DDR2: variants seen among roughly 807,000 people sequenced by gnomAD.
DDR2 encodes the protein discoidin domain receptor tyrosine kinase 2, also known as discoidin domain-containing receptor 2.
DDR2 carries 27 observed loss-of-function variants against 94.9 expected under a neutral mutation model. That is an observed-to-expected ratio of 0.28 (90% CI 0.21 to 0.39). The LOEUF is 0.39. Among genes scored for constraint, DDR2 ranks in the 10% least tolerant of loss-of-function variants. DDR2 has a pLI of 1.00. For synonymous variants in DDR2, 382 were observed against 377.2 expected, an observed-to-expected ratio of 1.01 and a Z score of -0.15; for missense variants, 783 against 1,076.0, an observed-to-expected ratio of 0.73 and a Z score of 3.81.
chr1:162,703,045 T>C (rs1414038959), intron 2 of DDR2, among the ~76,000 whole-genome samples: 1 of 152,128 alleles, frequency 6.6e-6, no homozygotes, highest in Admixed American at 6.6e-5. Flanking sequence ...CTTTTGGAAG[T>C]TGGGAACATG....
chr1:162,780,593 A>G lies in DDR2; in HGVS notation c.*347A>G, dbSNP rs1647851748. 1 of 220,500 alleles carries G rather than the reference A, an allele frequency of 4.5e-6. No individual in the cohort carries two copies. The highest frequency in any genetic ancestry group is 9.1e-6 in the Non-Finnish European group (1 of 109,932). The allele number at this position is 220,500 out of a possible 1,614,324, so 13.7% of individuals were successfully genotyped here. A position where few individuals can be genotyped will look rare whatever the true frequency, so the allele number is the denominator to read the frequency against. On this transcript the variant is annotated 3_prime_UTR_variant, in exon 18 of 18. Transcript: ENST00000367921. The stretch of plus-strand genomic sequence containing the variant: ...TTGTGCTTATAAATGTGCAGATTCT[A>G]CAATATTTTTCCATGTCATTCTAAA...
intron 1 of DDR2, among the ~76,000 whole-genome samples, chr1:162,634,579 G>C (rs1656725207): frequency 6.6e-6 from 1 of 152,190 alleles, no homozygotes; most frequent in South Asian, 2.1e-4. Context: ...ACTCTGAAAT[G>C]GGTGGCCTCA....
At chr1:162,769,185 A>C (rs1664143192) in intron 11 of DDR2, among the ~76,000 whole-genome samples, 1 of 152,188 alleles carries the variant, frequency 6.6e-6, no homozygotes, top group Admixed American at 6.5e-5. Flanking sequence ...TCTCCAGGTA[A>C]AAGGTAGAGC....
Position 162,648,269 on chromosome 1 carries a change from A to G in DDR2, c.-191-6942A>G, listed in dbSNP as rs1480006399. On this transcript the variant is annotated intron_variant, in intron 1 of 17. Coordinates refer to ENST00000367921, the MANE Select transcript of DDR2 (RefSeq NM_006182.4). ...ACTGGTGCTGGATGCTGCAAATTGA[A>G]TAAGAATTGGAATAAATTGGATAGC... is the stretch of plus-strand genomic sequence containing the variant. 3.3e-5 allele frequency among the ~76,000 whole-genome samples: 5 copies of G among 152,272 alleles called. No homozygotes were observed. In the East Asian group the frequency reaches 5.8e-4, roughly 18 times the overall value.
At chr1:162,684,812 AACACACACACACACACACACAC>A (rs56958157) in intron 2 of DDR2, among the ~76,000 whole-genome samples, 1 of 137,956 alleles carries the variant, frequency 7.2e-6, no homozygotes, top group Non-Finnish European at 1.6e-5. Flanking sequence ...CACACCCACC[AACACACACACACACACACACAC>A]ACACACACAC....
At chr1:162,675,676 A>G (rs1222654844) in intron 2 of DDR2, among the ~76,000 whole-genome samples, 1 of 152,232 alleles carries the variant, frequency 6.6e-6, no homozygotes, top group Non-Finnish European at 1.5e-5. Context: ...AGATCATGGA[A>G]GGCCTTGTGT....
chr1:162,688,097 C>T (rs1659776375), intron 2 of DDR2, among the ~76,000 whole-genome samples: 1 of 152,172 alleles, frequency 6.6e-6, no homozygotes, highest in Non-Finnish European at 1.5e-5. Context: ...TTGAAAGAGC[C>T]ACTGCTCTGG....
intron 3 of DDR2, among the ~76,000 whole-genome samples, chr1:162,729,296 A>ATT (rs1271719479): frequency 1.1e-3 from 36 of 33,050 alleles, no homozygotes; most frequent in African/African-American, 2.2e-3. Flanking sequence ...ATATATATAT[A>ATT]TATATTTTTT....
chr1:162,662,894 G>A (rs541803251), intron 2 of DDR2, among the ~76,000 whole-genome samples: 114 of 152,164 alleles, frequency 7.5e-4, no homozygotes, highest in African/African-American at 2.7e-3. Context: ...TGAACGAGGG[G>A]GATCTGGAGA....
At chr1:162,658,872 G>A in intron 2 of DDR2, among the ~76,000 whole-genome samples, 1 of 59,980 alleles carries the variant, frequency 1.7e-5, no homozygotes, top group Admixed American at 1.9e-4. Flanking sequence ...AAGAGGAATG[G>A]AGGGGAGGAA....
At chr1:162,664,496 A>G (rs1390830287) in intron 2 of DDR2, among the ~76,000 whole-genome samples, 3 of 152,184 alleles carry the variant, frequency 2.0e-5, no homozygotes, top group South Asian at 4.1e-4. Context: ...AGCCTTGAGT[A>G]TATGGTTAAA....
At chr1:162,638,205 G>A (rs1332252110) in intron 1 of DDR2, among the ~76,000 whole-genome samples, 2 of 152,110 alleles carry the variant, frequency 1.3e-5, no homozygotes, top group Non-Finnish European at 2.9e-5. Context: ...ATTTTTAGTA[G>A]AGTTGGGGTT....
intron 3 of DDR2, among the ~76,000 whole-genome samples, chr1:162,748,702 A>G (rs957602153): frequency 2.0e-5 from 3 of 152,244 alleles, no homozygotes; most frequent in African/African-American, 7.2e-5. Context: ...CAGCATATAC[A>G]TTCTTCTCAG....
intron 3 of DDR2, among the ~76,000 whole-genome samples, chr1:162,752,188 C>G (rs1014600730): frequency 6.6e-6 from 1 of 151,538 alleles, no homozygotes; most frequent in Non-Finnish European, 1.5e-5. Flanking sequence ...GTTGCTTATC[C>G]GAAATTTAAA....
chr1:162,713,139 A>G (rs1461517370), intron 2 of DDR2, among the ~76,000 whole-genome samples: 1 of 152,208 alleles, frequency 6.6e-6, no homozygotes, highest in Non-Finnish European at 1.5e-5. Context: ...AAAGTTCAGG[A>G]ATTCTAAAAT....
At chr1:162,653,764 A>G (rs538076796) in intron 1 of DDR2, among the ~76,000 whole-genome samples, 3 of 152,236 alleles carry the variant, frequency 2.0e-5, no homozygotes, top group African/African-American at 7.2e-5. Context: ...GTAAGCCCCA[A>G]GTAGAAAAGG....
intron 3 of DDR2, among the ~76,000 whole-genome samples, chr1:162,751,771 G>C (rs1663210989): frequency 2.0e-5 from 3 of 152,192 alleles, no homozygotes; most frequent in Admixed American, 2.0e-4. Flanking sequence ...TGATAGACTG[G>C]ATTAAGAAAA....
At chr1:162,722,162 G>T (rs558211050) in intron 3 of DDR2, among the ~76,000 whole-genome samples, 1 of 152,302 alleles carries the variant, frequency 6.6e-6, no homozygotes, top group South Asian at 2.1e-4. Flanking sequence ...AGTAGTGGTG[G>T]TATGACAGAG....
intron 7 of DDR2, among the ~76,000 whole-genome samples, chr1:162,758,098 C>T (rs1222613720): frequency 6.6e-6 from 1 of 152,028 alleles, no homozygotes; most frequent in Non-Finnish European, 1.5e-5. Flanking sequence ...GAGTGTAGGT[C>T]TGTGAGACTG....
Sources: allele counts gnomAD v4.1 joint callset (sites outside exome capture counted in the v4.1 genomes callset), GRCh38; gene constraint gnomAD v4.1.1; transcripts MANE v1.5; gene names NCBI Gene and HGNC (gene_info 2026-07-23, HGNC 2026-07-21).